Variants in CPAP observed in about 807,000 individuals in gnomAD.
The protein encoded by CPAP is centrosomal P4.1-associated protein.
chr13:24,915,747 C>T, the CPAP span, among the ~76,000 whole-genome samples: 6 of 152,106 alleles, frequency 3.9e-5, no homozygotes, highest in African/African-American at 4.8e-5. Context: ...TGCAGTGAGC[C>T]GAGATAGCGT....
the CPAP span, chr13:24,906,781 T>C: frequency 1.2e-6 from 2 of 1,614,100 alleles, no homozygotes; most frequent in African/African-American, 2.7e-5. Context: ...TCCGCTGGAG[T>C]TGCTGTCTAT....
At chr13:24,884,579 C>T in the CPAP span, 1 of 990,806 alleles carries the variant, frequency 1.0e-6, no homozygotes, top group Non-Finnish European at 1.6e-6. Context: ...AACATTCCCT[C>T]AAAAGATCCT....
chr13:24,913,257 TA>T, the CPAP span, among the ~76,000 whole-genome samples: 1 of 152,222 alleles, frequency 6.6e-6, no homozygotes. Context: ...TTCTAAGTCT[TA>T]AAAATAACCA....
the CPAP span, among the ~76,000 whole-genome samples, chr13:24,930,726 G>T: frequency 2.0e-5 from 3 of 152,194 alleles, no homozygotes; most frequent in African/African-American, 7.2e-5. Flanking sequence ...ATGGGCACCT[G>T]AGTTGATTCC....
chr13:24,888,454 A>G, the CPAP span, among the ~76,000 whole-genome samples: 3 of 152,226 alleles, frequency 2.0e-5, no homozygotes, highest in Non-Finnish European at 4.4e-5. Flanking sequence ...TAAATGTAAG[A>G]AAACATGCTC....
the CPAP span, among the ~76,000 whole-genome samples, chr13:24,897,503 A>G: frequency 6.6e-6 from 1 of 152,210 alleles, no homozygotes; most frequent in African/African-American, 2.4e-5. Flanking sequence ...GAGAGGTCAC[A>G]TATGCGCAGT....
chr13:24,927,903 A>C, the CPAP span, among the ~76,000 whole-genome samples: 1 of 152,228 alleles, frequency 6.6e-6, no homozygotes, highest in Non-Finnish European at 1.5e-5. Context: ...CCTTGGAAAT[A>C]TCTTGGATAT....
the CPAP span, among the ~76,000 whole-genome samples, chr13:24,887,410 A>G: frequency 6.6e-6 from 1 of 152,162 alleles, no homozygotes; most frequent in Non-Finnish European, 1.5e-5. Context: ...GCTCCCCATC[A>G]CTCGCATTAC....
the CPAP span, among the ~76,000 whole-genome samples, chr13:24,926,466 C>G: frequency 6.6e-6 from 1 of 152,230 alleles, no homozygotes. Flanking sequence ...ACATCATGCA[C>G]AAGGGAAACG....
At chr13:24,886,379 G>A in the CPAP span, 3 of 1,288,924 alleles carry the variant, frequency 2.3e-6, no homozygotes, top group Non-Finnish European at 3.0e-6. Flanking sequence ...AGGCGGCTGT[G>A]CTGTGCCTGT....
chr13:24,889,484 G>A, the CPAP span: 1 of 902,352 alleles, frequency 1.1e-6, no homozygotes. Flanking sequence ...CTCAGCTAGT[G>A]CTAAGAATGC....
the CPAP span, chr13:24,885,394 C>T: frequency 6.3e-7 from 1 of 1,584,616 alleles, no homozygotes; most frequent in South Asian, 1.1e-5. Flanking sequence ...AGCCTGTAAG[C>T]ACAACACATT....
At chr13:24,923,792 T>G in the CPAP span, among the ~76,000 whole-genome samples, 1 of 152,144 alleles carries the variant, frequency 6.6e-6, no homozygotes, top group Non-Finnish European at 1.5e-5. Flanking sequence ...AAATCAAGAT[T>G]TCGGTTTTGC....
chr13:24,920,433 G>A, the CPAP span, among the ~76,000 whole-genome samples: 1 of 152,116 alleles, frequency 6.6e-6, no homozygotes, highest in African/African-American at 2.4e-5. Flanking sequence ...AGATTTTCTT[G>A]GAACAAGATG....
chr13:24,920,275 T>C, the CPAP span, among the ~76,000 whole-genome samples: 4 of 152,246 alleles, frequency 2.6e-5, no homozygotes, highest in African/African-American at 9.6e-5. Context: ...TTGTTCAGTA[T>C]GTACAAATGC....
chr13:24,911,815 C>T, the CPAP span: 3 of 1,117,204 alleles, frequency 2.7e-6, no homozygotes, highest in Non-Finnish European at 4.0e-6. Context: ...TACCATTTCA[C>T]ATTTATCGGG....
At chr13:24,890,054 C>T in the CPAP span, among the ~76,000 whole-genome samples, 1 of 152,170 alleles carries the variant, frequency 6.6e-6, no homozygotes, top group East Asian at 1.9e-4. Flanking sequence ...AATTTCAAAG[C>T]ATTCTACTTA....
chr13:24,909,286 G>A, the CPAP span, among the ~76,000 whole-genome samples: 1 of 152,160 alleles, frequency 6.6e-6, no homozygotes, highest in African/African-American at 2.4e-5. Context: ...CAGTACTTTG[G>A]GAGGCCAAGG....
the CPAP span, among the ~76,000 whole-genome samples, chr13:24,897,989 G>A: frequency 0.1 from 15,231 of 152,150 alleles, 912 homozygotes; most frequent in Non-Finnish European, 0.14. Context: ...TCCTCCTCCC[G>A]GGTTCAAGTG....
Sources: gnomAD v4.1 joint callset for allele counts (sites outside exome capture counted in the v4.1 genomes callset) on GRCh38, gnomAD v4.1.1 for gene constraint, MANE v1.5 for transcripts, NCBI Gene and HGNC (gene_info 2026-07-23, HGNC 2026-07-21) for gene names.